The following DNAH6 variants were observed in gnomAD, a reference collection of about 807,000 sequenced individuals.
The protein encoded by DNAH6 is axonemal beta dynein heavy chain 6.
A neutral mutation model predicts 491.4 loss-of-function variants in DNAH6; 340 were observed. The observed-to-expected ratio is 0.69, with a 90% CI of 0.63 to 0.76. DNAH6 has a LOEUF of 0.76. Ranked by LOEUF, DNAH6 falls within the 30% of genes least tolerant of loss-of-function variation. DNAH6 has a pLI of 0.00. For missense variants in DNAH6, 4,443 were observed against 4,972.2 expected (o/e 0.89, Z 3.20); for synonymous variants, 1,603 against 1,686.1 (o/e 0.95, Z 1.21).
chr2:84,509,031 G>T, the DNAH6 span, among the ~76,000 whole-genome samples: 1 of 152,118 alleles, frequency 6.6e-6, no homozygotes, highest in Non-Finnish European at 1.5e-5. Flanking sequence ...GCACTGAGAA[G>T]AATGTATATT....
chr2:84,570,567 C>T (rs1018978018), intron 11 of DNAH6, among the ~76,000 whole-genome samples: 3 of 152,144 alleles, frequency 2.0e-5, no homozygotes, highest in Admixed American at 6.5e-5. Flanking sequence ...CTGTGTCTAG[C>T]TAAAGGATTA....
In DNAH6 at chr2:84,718,187, C is replaced by T. The variant is rs776774164; in HGVS notation, c.9612-17C>T. ...ACTGGCAGAGACATAATTTAGATATCTGAACTTTGGTTTTAGTGATGTGGT... is the reference window on the plus strand; with the variant it reads ...ACTGGCAGAGACATAATTTAGATATTTGAACTTTGGTTTTAGTGATGTGGT... On this transcript the variant is annotated splice_polypyrimidine_tract_variant and intron_variant, in intron 58 of 76. Transcript: ENST00000389394. The T allele has an allele frequency of 6.7e-7, 1 of 1,494,442 alleles. No homozygotes were observed. The highest frequency in any genetic ancestry group is 1.4e-5 in the South Asian group (1 of 73,880). 92.6% of individuals were successfully genotyped at this position (1,494,442 alleles called of 1,614,324 possible).
chr2:84,561,975 C>A (rs1298702173), intron 11 of DNAH6, among the ~76,000 whole-genome samples: 2 of 151,900 alleles, frequency 1.3e-5, no homozygotes, highest in African/African-American at 4.8e-5. Context: ...GAATATTTAA[C>A]ATATTTAATT....
chr2:84,550,889 C>CT (rs921611060), intron 9 of DNAH6, among the ~76,000 whole-genome samples: 9 of 152,182 alleles, frequency 5.9e-5, no homozygotes, highest in African/African-American at 1.9e-4. Flanking sequence ...AGGGGATGGC[C>CT]TTTTATGAGG....
At chr2:84,741,859 C>T (rs912347431) in intron 62 of DNAH6, among the ~76,000 whole-genome samples, 3 of 152,198 alleles carry the variant, frequency 2.0e-5, no homozygotes, top group African/African-American at 7.2e-5. Context: ...ATATGTCAGG[C>T]ACAAGGCCCT....
rs544456693 is a variant in DNAH6 at position 84,699,162 on chromosome 2, G to A, written c.7678-432G>A. Among the ~76,000 whole-genome samples, 2 of 151,544 alleles carry A rather than the reference G, an allele frequency of 1.3e-5. 1 individual carries two copies. Among genetic ancestry groups the A allele is most frequent in the South Asian group, 4.2e-4 (2 of 4,782 alleles). On this transcript the variant is annotated intron_variant, in intron 47 of 76. Coordinates refer to ENST00000389394, the MANE Select transcript of DNAH6 (RefSeq NM_001370.2). ...ATATCTTTGTAACAAACCTACACAT[G>A]TACCCCCAGAATCTAAAATAAAAGT...
At chr2:84,760,561 A>G (rs934437327) in intron 63 of DNAH6, among the ~76,000 whole-genome samples, 4 of 152,192 alleles carry the variant, frequency 2.6e-5, no homozygotes, top group Non-Finnish European at 5.9e-5. Context: ...AAAATACTCA[A>G]CATCACTAAT....
At chr2:84,460,974 C>A in the DNAH6 span, among the ~76,000 whole-genome samples, 1 of 152,140 alleles carries the variant, frequency 6.6e-6, no homozygotes, top group African/African-American at 2.4e-5. Flanking sequence ...TAGGATTAAA[C>A]AAGTTTTATT....
chr2:84,498,236 C>T, the DNAH6 span, among the ~76,000 whole-genome samples: 2 of 152,180 alleles, frequency 1.3e-5, no homozygotes, highest in Non-Finnish European at 2.9e-5. Flanking sequence ...CAAGGAGTCT[C>T]ATGCTAGGTC....
intron 32 of DNAH6, 127 bp from the exon 33 acceptor site, chr2:84,641,820 G>A (rs780854454): frequency 2.8e-6 from 2 of 703,128 alleles, no homozygotes; most frequent in Non-Finnish European, 4.7e-6. Flanking sequence ...GAACACACGA[G>A]GGAAAATGAT....
intron 56 of DNAH6, among the ~76,000 whole-genome samples, chr2:84,712,498 A>G (rs1208964706): frequency 5.3e-5 from 8 of 152,238 alleles, no homozygotes; most frequent in Non-Finnish European, 8.8e-5. Flanking sequence ...ACTATCATGT[A>G]GAATAGGGGT....
chr2:84,524,782 A>AT (rs1255555199), intron 2 of DNAH6, among the ~76,000 whole-genome samples: 1 of 151,968 alleles, frequency 6.6e-6, no homozygotes, highest in Non-Finnish European at 1.5e-5. Flanking sequence ...GTAAACAGAC[A>AT]TTTTTTCTTC....
intron 12 of DNAH6, among the ~76,000 whole-genome samples, chr2:84,574,508 C>T (rs1682233423): frequency 6.6e-6 from 1 of 152,084 alleles, no homozygotes; most frequent in Admixed American, 6.5e-5. Flanking sequence ...CAAGATCAGT[C>T]ATTGTATCTG....
intron 1 of DNAH6, among the ~76,000 whole-genome samples, 184 bp from the exon 2 acceptor site, chr2:84,517,635 T>C (rs1466768367): frequency 6.6e-6 from 1 of 152,222 alleles, no homozygotes; most frequent in Non-Finnish European, 1.5e-5. Flanking sequence ...GCACAGTTTC[T>C]AATTTTTTAT....
At chr2:84,503,343 C>A in the DNAH6 span, among the ~76,000 whole-genome samples, 35 of 152,190 alleles carry the variant, frequency 2.3e-4, no homozygotes, top group Admixed American at 3.9e-4. Flanking sequence ...TCTTATTGTA[C>A]CGTGTCTTGA....
At chr2:84,600,970 ATAT>A (rs920766190) in intron 18 of DNAH6, among the ~76,000 whole-genome samples, 6 of 140,836 alleles carry the variant, frequency 4.3e-5, no homozygotes, top group South Asian at 2.1e-4. Context: ...TAATAACACT[ATAT>A]TATTATTATA....
intron 60 of DNAH6, among the ~76,000 whole-genome samples, chr2:84,727,388 G>A (rs1415447953): frequency 6.6e-6 from 1 of 152,044 alleles, no homozygotes; most frequent in Non-Finnish European, 1.5e-5. Context: ...CTGTGACTTT[G>A]TTTAGCAAAA....
chr2:84,553,328 C>CTCTA (rs1553420366), intron 10 of DNAH6, among the ~76,000 whole-genome samples: 6,226 of 149,350 alleles, frequency 0.042, 487 homozygotes, highest in African/African-American at 0.14. Context: ...GAAGAGATCA[C>CTCTA]TTGTGAATAC....
chr2:84,551,567 A>G (rs1486966326), intron 9 of DNAH6, among the ~76,000 whole-genome samples: 2 of 152,224 alleles, frequency 1.3e-5, no homozygotes, highest in Non-Finnish European at 2.9e-5. Flanking sequence ...CATTCCCACT[A>G]TTTCAAATAA....
Sources: allele counts gnomAD v4.1 joint callset (sites outside exome capture counted in the v4.1 genomes callset), GRCh38; gene constraint gnomAD v4.1.1; transcripts MANE v1.5; gene names NCBI Gene and HGNC (gene_info 2026-07-23, HGNC 2026-07-21).